Variants in ADAM17 observed in about 807,000 individuals in gnomAD.
The protein encoded by ADAM17 is disintegrin and metalloproteinase domain-containing protein 17.
A neutral mutation model predicts 96.7 loss-of-function variants in ADAM17; 39 were observed. The ratio of observed to expected loss-of-function variants is 0.40; its 90% CI spans 0.31 to 0.53. The LOEUF (loss-of-function observed/expected upper bound fraction) is 0.53, where lower values mean the gene tolerates loss of function less well. ADAM17 is among the 20% of genes least tolerant of loss of function. ADAM17 has a pLI of 0.44. For synonymous variants in ADAM17, 344 were observed against 359.2 expected (o/e 0.96, Z 0.48); for missense variants, 777 against 1,013.2 (o/e 0.77, Z 3.17).
intron 13 of ADAM17, 100 bp from the exon 14 acceptor site, chr2:9,497,348 C>A: frequency 6.7e-7 from 1 of 1,488,206 alleles, no homozygotes; most frequent in Non-Finnish European, 9.0e-7. Flanking sequence ...AGCATCTTAC[C>A]TTGCAAAAGC....
In ADAM17 at chr2:9,502,392, C is replaced by T. The variant is rs13031491; in HGVS notation, c.1545-116G>A. Reference sequence around the variant, plus strand: ...ATCACCGGGGAAGACCTCCTGGCTCCGTCACCCACTCCTACATCATCAGAC... The same window carrying T: ...ATCACCGGGGAAGACCTCCTGGCTCTGTCACCCACTCCTACATCATCAGAC... On this transcript the variant is annotated intron_variant, in intron 12 of 18. Coordinates refer to ENST00000310823, the MANE Select transcript of ADAM17 (RefSeq NM_003183.6). 0.27 allele frequency: 220,064 copies of T among 819,296 alleles called. 32,577 individuals carry two copies. Among genetic ancestry groups the T allele is most frequent in the Middle Eastern group, 0.32 (891 of 2,792 alleles). The allele number at this position is 819,296 out of a possible 1,614,324, so 50.8% of individuals were successfully genotyped here.
At chr2:9,494,552 T>C (rs1366561934) in intron 15 of ADAM17, 85 bp downstream of exon 15, 2 of 1,513,958 alleles carry the variant, frequency 1.3e-6, no homozygotes, top group Non-Finnish European at 1.8e-6. Flanking sequence ...GTGTTTTGAT[T>C]TGTTTTCATC....
chr2:9,517,838 A>G, intron 10 of ADAM17, 63 bp downstream of exon 10: 4 of 1,117,486 alleles, frequency 3.6e-6, no homozygotes, highest in Non-Finnish European at 4.9e-6. Flanking sequence ...CTACATAAAT[A>G]TATAACTGAG....
intron 5 of ADAM17, among the ~76,000 whole-genome samples, chr2:9,527,277 G>A (rs1374449271): frequency 2.9e-5 from 4 of 137,524 alleles, no homozygotes; most frequent in South Asian, 4.5e-4. Context: ...AGCCGAGATC[G>A]CGCTGCAAAC....
rs151210165 is a variant in ADAM17 at position 9,519,510 on chromosome 2, T to G, written c.958-1263A>C. On this transcript the variant is annotated intron_variant, in intron 8 of 18. Coordinates refer to ENST00000310823, the MANE Select transcript of ADAM17 (RefSeq NM_003183.6). ...CCTCTGCCATCACCAGTTGTATGAC[T>G]AATCAGACAAGTCATTTAATCTTCC... Among the ~76,000 whole-genome samples, 257 of 152,296 alleles carry G rather than the reference T, an allele frequency of 1.7e-3. 1 individual carries two copies. The highest frequency in any genetic ancestry group is 6.0e-3 in the African/African-American group (249 of 41,542).
intron 4 of ADAM17, among the ~76,000 whole-genome samples, chr2:9,530,887 A>C (rs1339795075): frequency 1.3e-5 from 2 of 152,240 alleles, no homozygotes; most frequent in Non-Finnish European, 2.9e-5. Context: ...TAAGGGCTAC[A>C]GGGTATTTTT....
intron 1 of ADAM17, among the ~76,000 whole-genome samples, chr2:9,544,398 G>A (rs1442478203): frequency 6.6e-6 from 1 of 152,094 alleles, no homozygotes; most frequent in African/African-American, 2.4e-5. Context: ...CGGGCATGGT[G>A]GTGCATGCCT....
intron 14 of ADAM17, chr2:9,496,688 G>T (rs761535572): frequency 9.8e-5 from 16 of 163,022 alleles, no homozygotes; most frequent in Non-Finnish European, 1.9e-4. Flanking sequence ...GTGGGGTTAG[G>T]TCCTGGAATC....
At chr2:9,538,025 G>C (rs1285910991) in intron 2 of ADAM17, among the ~76,000 whole-genome samples, 1 of 139,590 alleles carries the variant, frequency 7.2e-6, no homozygotes, top group East Asian at 2.2e-4. Context: ...GAGAGGGGAG[G>C]GGGTATACAC....
chr2:9,520,064 C>T (rs1382585353), intron 8 of ADAM17, among the ~76,000 whole-genome samples: 2 of 152,182 alleles, frequency 1.3e-5, no homozygotes, highest in Non-Finnish European at 2.9e-5. Context: ...TTATAATATC[C>T]TTTAATTCTA....
intron 5 of ADAM17, among the ~76,000 whole-genome samples, chr2:9,526,796 C>CTAAA (rs555249585): frequency 1.8e-4 from 27 of 151,926 alleles, no homozygotes; most frequent in South Asian, 1.0e-3. Context: ...GACTTCATCT[C>CTAAA]TAAATAAATA....
chr2:9,501,633 C>G (rs1229430339), intron 13 of ADAM17, among the ~76,000 whole-genome samples: 1 of 152,158 alleles, frequency 6.6e-6, no homozygotes, highest in Admixed American at 6.5e-5. Context: ...AAACTGGTTA[C>G]CCTTCTAACT....
At chr2:9,539,407 G>C (rs1455520994) in intron 2 of ADAM17, among the ~76,000 whole-genome samples, 1 of 152,112 alleles carries the variant, frequency 6.6e-6, no homozygotes, top group Non-Finnish European at 1.5e-5. Context: ...GAGTCACCAC[G>C]CCTAGCTGAT....
intron 13 of ADAM17, among the ~76,000 whole-genome samples, chr2:9,500,822 A>C (rs1351695667): frequency 6.6e-6 from 1 of 152,196 alleles, no homozygotes; most frequent in African/African-American, 2.4e-5. Context: ...GAAATTTTTA[A>C]AGCAACAATT....
intron 10 of ADAM17, 22 bp downstream of exon 10, chr2:9,517,879 T>C: frequency 6.6e-7 from 1 of 1,507,624 alleles, no homozygotes. Flanking sequence ...AACACTATTC[T>C]TTTAGAAATA....
At position 9,504,471 on chromosome 2, in the gene ADAM17, A is replaced by T. The variant is rs146382418; in HGVS notation, c.1544+695T>A. ...AATAAATAAATAAATTAAATTAAAT[A>T]AAAAAGATTATTTTGCCAGGCACGG... On this transcript the variant is annotated intron_variant, in intron 12 of 18. Transcript: ENST00000310823. 6.5e-3 allele frequency among the ~76,000 whole-genome samples: 969 copies of T among 148,220 alleles called. 9 individuals are homozygous for T. Among genetic ancestry groups the T allele is most frequent in the African/African-American group, 0.021 (831 of 40,170 alleles).
intron 1 of ADAM17, among the ~76,000 whole-genome samples, chr2:9,548,073 CAA>C (rs111663328): frequency 1.2e-4 from 15 of 124,088 alleles, no homozygotes; most frequent in South Asian, 2.6e-4. Flanking sequence ...TCTCAAAATC[CAA>C]AAAAAAAAAA....
intron 1 of ADAM17, among the ~76,000 whole-genome samples, chr2:9,545,584 A>G (rs146683207): frequency 2.6e-4 from 40 of 152,264 alleles, no homozygotes; most frequent in African/African-American, 8.9e-4. Flanking sequence ...AAGAAAAAGA[A>G]AAAACCACTG....
rs1370814945 is a variant in ADAM17, at chr2:9,555,674, T to C, written c.-69A>G. 1 of 1,341,382 alleles carries C rather than the reference T, an allele frequency of 7.5e-7. No homozygotes were observed. The highest frequency in any genetic ancestry group is 1.5e-5 in the African/African-American group (1 of 68,124). 83.1% of individuals were successfully genotyped at this position (1,341,382 alleles called of 1,614,324 possible). ...GCCTGACGGGGTTTCGGAAAACTGCTCACATCGGGGGAGGACGGGATCCGC... is the reference window on the plus strand; with the variant it reads ...GCCTGACGGGGTTTCGGAAAACTGCCCACATCGGGGGAGGACGGGATCCGC... On this transcript the variant is annotated 5_prime_UTR_variant, in exon 1 of 19. The change abolishes the stop of an existing upstream ORF in the 5' untranslated region. Coordinates refer to ENST00000310823, the MANE Select transcript of ADAM17 (RefSeq NM_003183.6).
Sources: allele counts gnomAD v4.1 joint callset (sites outside exome capture counted in the v4.1 genomes callset), GRCh38; gene constraint gnomAD v4.1.1; transcripts MANE v1.5; gene names NCBI Gene and HGNC (gene_info 2026-07-23, HGNC 2026-07-21).